The following KCNT2 variants were observed in gnomAD, a reference collection of about 807,000 sequenced individuals.
KCNT2 encodes potassium channel subfamily T member 2.
KCNT2 carries 67 observed loss-of-function variants against 153.8 expected under a neutral mutation model. That is an observed-to-expected ratio of 0.44 (90% CI 0.36 to 0.53). The LOEUF (loss-of-function observed/expected upper bound fraction) is 0.53. Among genes scored for constraint, KCNT2 ranks in the 20% least tolerant of loss-of-function variants. The pLI is 0.00. For missense variants in KCNT2, 975 were observed against 1,354.8 expected, an observed-to-expected ratio of 0.72 and a Z score of 4.40; for synonymous variants, 500 against 458.8, an observed-to-expected ratio of 1.09 and a Z score of -1.15.
rs540965747 is a variant in KCNT2 at position 196,282,330 on chromosome 1, A to G, written c.2724T>C (p.Ser908=). Residue 908 remains serine, a synonymous_variant, in exon 24 of 28, where the codon TCT becomes TCC. Coordinates refer to ENST00000294725, the MANE Select transcript of KCNT2 (RefSeq NM_198503.5). The part of the protein sequence containing the change: ...YQSFVKDYMI[S]ITRLLLGLDT... ...CCAGTCCCAACAGAAGTCTCGTGAT[A>G]GAAATCATATAATCCTTCACAAATG... is the stretch of plus-strand genomic sequence containing the variant. 6 of 1,596,566 alleles carry G rather than the reference A, an allele frequency of 3.8e-6. No homozygotes were observed. In the South Asian group the frequency reaches 5.5e-5, roughly 15 times the overall value.
intron 4 of KCNT2, among the ~76,000 whole-genome samples, 196 bp downstream of exon 4, chr1:196,482,135 G>A (rs989652739): frequency 2.0e-5 from 3 of 151,996 alleles, no homozygotes; most frequent in Non-Finnish European, 2.9e-5. Context: ...TGATCACGAC[G>A]AAATCCTCAA....
intron 22 of KCNT2, among the ~76,000 whole-genome samples, chr1:196,288,435 A>C (rs1161580077): frequency 6.6e-6 from 1 of 152,086 alleles, no homozygotes; most frequent in Admixed American, 6.6e-5. Flanking sequence ...CAATGGGGAA[A>C]AACTAAAGTG....
chr1:196,334,178 T>G (rs1048846470), intron 16 of KCNT2, 118 bp from the exon 17 acceptor site: 6 of 617,902 alleles, frequency 9.7e-6, no homozygotes, highest in Non-Finnish European at 1.4e-5. Flanking sequence ...AGAGAGAGTA[T>G]ATATTTATGC....
intron 1 of KCNT2, among the ~76,000 whole-genome samples, chr1:196,531,516 G>A (rs932281076): frequency 4.6e-5 from 7 of 152,164 alleles, no homozygotes; most frequent in Non-Finnish European, 7.4e-5. Flanking sequence ...AAATAAGAAT[G>A]TATAGGAAAT....
chr1:196,402,164 T>C (rs969075164), intron 12 of KCNT2, among the ~76,000 whole-genome samples: 2 of 151,462 alleles, frequency 1.3e-5, no homozygotes, highest in Admixed American at 6.6e-5. Context: ...ATTGGAATCA[T>C]ACTACAAGAA....
At chr1:196,334,744 A>G (rs934008053) in intron 16 of KCNT2, among the ~76,000 whole-genome samples, 4 of 152,030 alleles carry the variant, frequency 2.6e-5, no homozygotes, top group Admixed American at 1.3e-4. Context: ...GAAGACAAAC[A>G]AAGTTTCTAC....
chr1:196,399,961 C>T (rs1248941309), intron 12 of KCNT2, among the ~76,000 whole-genome samples: 1 of 151,848 alleles, frequency 6.6e-6, no homozygotes, highest in East Asian at 2.0e-4. Flanking sequence ...GAATTGTGAG[C>T]AATACATTTC....
chr1:196,385,766 T>A (rs1370815027), intron 13 of KCNT2, among the ~76,000 whole-genome samples: 1 of 144,988 alleles, frequency 6.9e-6, no homozygotes, highest in Non-Finnish European at 1.5e-5. Flanking sequence ...ATTTCTGCAT[T>A]AAAAAAATAT....
chr1:196,330,371 G>C (rs1330011988), intron 18 of KCNT2, among the ~76,000 whole-genome samples: 1 of 151,810 alleles, frequency 6.6e-6, no homozygotes, highest in Non-Finnish European at 1.5e-5. Context: ...TTAAGGATGA[G>C]GAAACTGAAA....
At chr1:196,522,858 C>G (rs1331599177) in intron 1 of KCNT2, among the ~76,000 whole-genome samples, 1 of 152,084 alleles carries the variant, frequency 6.6e-6, no homozygotes, top group East Asian at 1.9e-4. Context: ...TAAAATGGAC[C>G]AATCAGCACT....
chr1:196,518,905 C>T (rs1652970906), intron 1 of KCNT2, among the ~76,000 whole-genome samples: 1 of 152,074 alleles, frequency 6.6e-6, no homozygotes, highest in Non-Finnish European at 1.5e-5. Flanking sequence ...TTAACAAGGA[C>T]ATTCAGGACC....
intron 12 of KCNT2, among the ~76,000 whole-genome samples, chr1:196,402,406 A>G (rs1671492433): frequency 6.6e-6 from 1 of 151,618 alleles, no homozygotes; most frequent in African/African-American, 2.4e-5. Flanking sequence ...AAGAGACAGT[A>G]GAAAAGGAAT....
chr1:196,389,038 T>G (rs1670244936), intron 13 of KCNT2, among the ~76,000 whole-genome samples: 1 of 151,728 alleles, frequency 6.6e-6, no homozygotes, highest in African/African-American at 2.4e-5. Context: ...TATGCACAAA[T>G]TTTTGTTAAA....
At chr1:196,540,741 C>G (rs1354663640) in intron 1 of KCNT2, among the ~76,000 whole-genome samples, 3 of 152,138 alleles carry the variant, frequency 2.0e-5, no homozygotes, top group Non-Finnish European at 4.4e-5. Flanking sequence ...CCCTCTCTTT[C>G]TCATTATTTC....
At chr1:196,355,606 G>A (rs1667110751) in intron 14 of KCNT2, among the ~76,000 whole-genome samples, 1 of 151,678 alleles carries the variant, frequency 6.6e-6, no homozygotes, top group Non-Finnish European at 1.5e-5. Flanking sequence ...TAAATTCACT[G>A]CCCTTAACGT....
rs552913404 is a variant in KCNT2 at position 196,275,419 on chromosome 1, G to A, written c.2910+5441C>T. Among the ~76,000 whole-genome samples, 705 of 151,484 alleles carry A rather than the reference G, an allele frequency of 4.7e-3. 6 individuals carry two copies. The highest frequency in any genetic ancestry group is 0.016 in the African/African-American group (658 of 41,350). On this transcript the variant is annotated intron_variant, in intron 25 of 27. Coordinates refer to ENST00000294725, the MANE Select transcript of KCNT2 (RefSeq NM_198503.5). ...TCACTTTACTTTCTGCTGTGTTTGT[G>A]TGACTTCTCCTTTCACTAATCTACA...
At chr1:196,326,945 G>T in intron 18 of KCNT2, 56 bp from the exon 19 acceptor site, 3 of 981,402 alleles carry the variant, frequency 3.1e-6, no homozygotes, top group Non-Finnish European at 4.5e-6. Flanking sequence ...TTAAAATTTG[G>T]AGAAAATTTA....
At chr1:196,346,604 A>C (rs935131709) in intron 14 of KCNT2, among the ~76,000 whole-genome samples, 4 of 152,126 alleles carry the variant, frequency 2.6e-5, no homozygotes, top group South Asian at 2.1e-4. Flanking sequence ...ATTGACCTTG[A>C]AAATTTTCCT....
At chr1:196,370,169 T>C (rs113950874) in intron 14 of KCNT2, among the ~76,000 whole-genome samples, 7,560 of 152,168 alleles carry the variant, frequency 0.05, 284 homozygotes, top group Non-Finnish European at 0.072. Context: ...TTTATTTTCA[T>C]TGAGAATAAA....
Sources: allele counts gnomAD v4.1 joint callset (sites outside exome capture counted in the v4.1 genomes callset), GRCh38; gene constraint gnomAD v4.1.1; transcripts MANE v1.5; gene names NCBI Gene and HGNC (gene_info 2026-07-23, HGNC 2026-07-21).